FAM171A2: variants seen among roughly 807,000 people sequenced by gnomAD.
FAM171A2 encodes protein FAM171A2.
In FAM171A2, 13 loss-of-function variants were observed where a neutral mutation model predicts 34.2. The observed-to-expected ratio is 0.38, with a 90% CI of 0.25 to 0.60. The LOEUF (loss-of-function observed/expected upper bound fraction) is 0.60. Ranked by LOEUF, FAM171A2 falls within the 20% of genes least tolerant of loss-of-function variation. FAM171A2 has a pLI of 0.62. For synonymous variants in FAM171A2, 475 were observed against 561.2 expected (o/e 0.85, Z 2.17); for missense variants, 950 against 1,180.7 (o/e 0.80, Z 2.86).
intron 2 of FAM171A2, 85 bp downstream of exon 2, chr17:44,359,820 C>G: frequency 7.0e-7 from 1 of 1,432,710 alleles, no homozygotes; most frequent in South Asian, 1.4e-5. Flanking sequence ...AAAGCCTCCC[C>G]CTCCACCCCC....
intron 3 of FAM171A2, 93 bp downstream of exon 3, chr17:44,359,486 C>T (rs2048438958): frequency 9.0e-7 from 1 of 1,105,184 alleles, no homozygotes. Context: ...AGTGACTTGC[C>T]CAAGGACACC....
At position 44,353,760 on chromosome 17, in the gene FAM171A2, C is replaced by T. The variant is rs746169248; in HGVS notation, c.2454G>A (p.Arg818=). 4 of 1,431,688 alleles carry T rather than the reference C, an allele frequency of 2.8e-6. No homozygotes were observed. The East Asian group carries it at 9.7e-5, about 35-fold the overall frequency. The allele number at this position is 1,431,688 out of a possible 1,614,324, so 88.7% of individuals were successfully genotyped here. A position where few individuals can be genotyped will look rare whatever the true frequency, so the allele number is the denominator to read the frequency against. The change falls in exon 8 of 8, where the codon CGG becomes CGA. Residue 818 remains arginine (R), a synonymous_variant. Transcript: ENST00000293443. ...KKSPWQRREE[R]PLMVFNVK is the part of the protein sequence containing the mutation. ...ACTTGACGTTGAACACCATCAGCGG[C>T]CGCTCCTCCCGCCGCTGCCACGGGC...
rs1394024594 is a variant in FAM171A2, at chr17:44,354,030, C to T, written c.2184G>A (p.Glu728=). 1 of 1,174,944 alleles carries T rather than the reference C, an allele frequency of 8.5e-7. No homozygotes were observed. The highest frequency in any genetic ancestry group is 1.1e-6 in the Non-Finnish European group (1 of 952,016). The allele number at this position is 1,174,944 out of a possible 1,614,324, so 72.8% of individuals were successfully genotyped here. The change falls in exon 8 of 8, where the codon GAG becomes GAA. Residue 728 remains glutamate (E), a synonymous_variant. Transcript: ENST00000293443. This position sits in a 1 kb window ranked among gnomAD's most constrained non-coding sequence, Gnocchi z 5.8. ...PPAPPRLALS[E]DTEPSSSESR... is the part of the protein sequence containing the mutation. ...TCTCGCTGCTGCTGGGCTCCGTGTC[C>T]TCGCTGAGCGCCAGGCGCGGGGGCG...
rs1278012445 is a variant in FAM171A2, at chr17:44,354,777, C to T, written c.1437G>A (p.Pro479=). ...AFLHEPPSPP[P]PFDHYLGHKG... is the part of the protein sequence containing the mutation. The stretch of plus-strand genomic sequence containing the variant: ...TGTGGCCCAGGTAGTGGTCGAAGGG[C>T]GGCGGCGGCGAGGGCGGCTCGTGCA... The change falls in exon 8 of 8, where the codon CCG becomes CCA. Residue 479 remains proline, a synonymous_variant. Transcript: ENST00000293443. The surrounding 1 kb of genome is among the most constrained non-coding windows in gnomAD (Gnocchi z 5.8). 1.5e-6 allele frequency: 2 copies of T among 1,297,340 alleles called. No individual in the cohort carries two copies. The highest frequency in any genetic ancestry group is 2.0e-6 in the Non-Finnish European group (2 of 1,022,504). 80.4% of individuals were successfully genotyped at this position (1,297,340 alleles called of 1,614,324 possible).
rs1009582281 is a variant in FAM171A2 at position 44,360,049 on chromosome 17, T to C, written c.202A>G (p.Thr68Ala). The change falls in exon 2 of 8, where the codon ACT becomes GCT. Residue 68 changes from threonine to alanine, a missense_variant. Transcript: ENST00000293443. ...TCTGTGGTGCCAGCTGCCAGCAGAG[T>C]CCGGTTCCCAAACACATCCACTGAG... Reference protein sequence around the residue: ...RASVDVFGNRTLLAAGTTDSE... With the variant: ...RASVDVFGNRALLAAGTTDSE... 7.7e-6 allele frequency: 12 copies of C among 1,551,372 alleles called. No homozygotes were observed. Among genetic ancestry groups the C allele is most frequent in the Non-Finnish European group, 1.0e-5 (12 of 1,146,918 alleles).
rs1030736063 is a variant in FAM171A2, at chr17:44,355,173, C to T, written c.1041G>A (p.Pro347=). The part of the protein sequence containing the change: ...IYYCRRRCLK[P]RQQHRKLQLS... ...GCTGCAGCTTGCGGTGCTGTTGCCT[C>T]GGCTTCAGGCAGCGCCTCCTGGAAG... Residue 347 remains proline (P), a synonymous_variant, in exon 8 of 8, where the codon CCG becomes CCA. Transcript: ENST00000293443. This position sits in a 1 kb window ranked among gnomAD's most constrained non-coding sequence, Gnocchi z 4.1. 6 of 1,550,670 alleles carry T rather than the reference C, an allele frequency of 3.9e-6. No individual in the cohort carries two copies. The highest frequency in any genetic ancestry group is 5.2e-6 in the Non-Finnish European group (6 of 1,146,826).
rs2048414721 is a variant in FAM171A2 at position 44,354,965 on chromosome 17, G to A, written c.1249C>T (p.Arg417Cys). The change falls in exon 8 of 8, where the codon CGC (arginine) becomes TGC (cysteine). Residue 417 changes from arginine to cysteine, a missense_variant. Arg to Cys is a radical substitution (Grantham distance 180). Transcript: ENST00000293443. This position sits in a 1 kb window ranked among gnomAD's most constrained non-coding sequence, Gnocchi z 5.8. ...CGGCTGGCAGAGCGCGGCTTGGTGC[G>A]GAAGAAGTCATCCCGGGAGGAGGCC... ...DLASSRDDFF[R>C]TKPRSASRPA... 2 of 1,469,080 alleles carry A rather than the reference G, an allele frequency of 1.4e-6. No homozygotes were observed. Among genetic ancestry groups the A allele is most frequent in the Non-Finnish European group, 9.0e-7 (1 of 1,112,786 alleles). The allele number at this position is 1,469,080 out of a possible 1,614,324, so 91.0% of individuals were successfully genotyped here. A position where few individuals can be genotyped will look rare whatever the true frequency, so the allele number is the denominator to read the frequency against.
rs372213421 is a variant in FAM171A2, at chr17:44,355,765, G to A, written c.972C>T (p.Ala324=). The A allele has an allele frequency of 1.3e-6, 2 of 1,551,920 alleles. No homozygotes were observed. Among genetic ancestry groups the A allele is most frequent in the African/African-American group, 1.4e-5 (1 of 73,176 alleles). ...GCAGGATAAGCACCAGCAGGGCCAG[G>A]GCTGCCAGGATGGTGAGCAAGAAGA... The part of the protein sequence containing the change: ...HTIFLLTILA[A]LALLVLILLC... Residue 324 remains alanine, a synonymous_variant, in exon 7 of 8, where the codon GCC becomes GCT. Coordinates refer to ENST00000293443, the MANE Select transcript of FAM171A2 (RefSeq NM_198475.3). This position sits in a 1 kb window ranked among gnomAD's most constrained non-coding sequence, Gnocchi z 4.1.
Position 44,362,089 on chromosome 17 carries a change from C to G in FAM171A2, c.118+1508G>C, listed in dbSNP as rs547004135. Among the ~76,000 whole-genome samples the G allele has an allele frequency of 1.1e-4, 17 of 150,682 alleles. 1 individual carries two copies. The East Asian group carries it at 3.3e-3, about 30-fold the overall frequency. ...TGGGCTGGTAAGGATCTGTGCCAAC[C>G]TTGCGGGTGGGGGAGAAGGGAGGGG... On this transcript the variant is annotated intron_variant, in intron 1 of 7. Transcript: ENST00000293443.
In FAM171A2 at chr17:44,354,481, T is replaced by C; in HGVS notation, c.1733A>G (p.Gln578Arg). The C allele has an allele frequency of 9.3e-7, 1 of 1,078,062 alleles. No individual in the cohort carries two copies. Among genetic ancestry groups the C allele is most frequent in the Non-Finnish European group, 1.1e-6 (1 of 890,200 alleles). The allele number at this position is 1,078,062 out of a possible 1,614,324, so 66.8% of individuals were successfully genotyped here. Reference protein sequence around the residue: ...TAPGPARAFPQPDPQRPQMPG... With the variant: ...TAPGPARAFPRPDPQRPQMPG... ...CATCTGCGGGCGCTGGGGGTCGGGCTGGGGAAAAGCGCGCGCCGGGCCGGG... is the reference window on the plus strand; with the variant it reads ...CATCTGCGGGCGCTGGGGGTCGGGCCGGGGAAAAGCGCGCGCCGGGCCGGG... Residue 578 changes from glutamine (Q) to arginine (R), a missense_variant, in exon 8 of 8, where the codon CAG (glutamine) becomes CGG (arginine). Coordinates refer to ENST00000293443, the MANE Select transcript of FAM171A2 (RefSeq NM_198475.3). This position sits in a 1 kb window ranked among gnomAD's most constrained non-coding sequence, Gnocchi z 5.8.
Position 44,353,686 on chromosome 17 carries a change from G to A in FAM171A2, c.*47C>T. 8.1e-7 allele frequency: 1 copy of A among 1,229,722 alleles called. No individual in the cohort carries two copies. The highest frequency in any genetic ancestry group is 1.0e-6 in the Non-Finnish European group (1 of 987,556). 76.2% of individuals were successfully genotyped at this position (1,229,722 alleles called of 1,614,324 possible). ...CGCGGGCCCCCGGGGCGCGCACCCT[G>A]GGTGCGGGCCCGCGCGGGAGGGGCG... is the stretch of plus-strand genomic sequence containing the variant. On this transcript the variant is annotated 3_prime_UTR_variant, in exon 8 of 8. Coordinates refer to ENST00000293443, the MANE Select transcript of FAM171A2 (RefSeq NM_198475.3).
rs1319224665 is a variant in FAM171A2 at position 44,356,417 on chromosome 17, G to A, written c.598+13C>T. 6.5e-7 allele frequency: 1 copy of A among 1,550,092 alleles called. No homozygotes were observed. On this transcript the variant is annotated intron_variant, in intron 4 of 7. Coordinates refer to ENST00000293443, the MANE Select transcript of FAM171A2 (RefSeq NM_198475.3). ...CCTGGGGAGACCCCATCCGTGCTGGGCACCCAGCCTACCTGAGCTGGAGGC... is the reference window on the plus strand; with the variant it reads ...CCTGGGGAGACCCCATCCGTGCTGGACACCCAGCCTACCTGAGCTGGAGGC...
chr17:44,356,684 G>T (rs1472340993), intron 3 of FAM171A2, 96 bp from the exon 4 acceptor site: 2 of 1,366,508 alleles, frequency 1.5e-6, no homozygotes, highest in Non-Finnish European at 1.9e-6. Context: ...GGGGACATGA[G>T]GTCAGGCCAC....
In FAM171A2 at chr17:44,355,218, G is replaced by A. The variant is rs142930508; in HGVS notation, c.1023-27C>T. On this transcript the variant is annotated intron_variant, in intron 7 of 7. Coordinates refer to ENST00000293443, the MANE Select transcript of FAM171A2 (RefSeq NM_198475.3). The surrounding 1 kb of genome is among the most constrained non-coding windows in gnomAD (Gnocchi z 4.1). ...TGGAAGGGAGGGAGCAGAAGGGGCC[G>A]CTCAGGAAAGGGTGAGGGCCAAAGT... The A allele has an allele frequency of 6.3e-4, 974 of 1,548,146 alleles. 8 individuals carry two copies. In the African/African-American group the frequency reaches 0.012, roughly 19 times the overall value.
In FAM171A2 at chr17:44,353,658, C is replaced by G; in HGVS notation, c.*75G>C. ...GGGGCTGGGAGCTACGCGCGAGGGC[C>G]CCCGCGGGCCCCCGGGGCGCGCACC... On this transcript the variant is annotated 3_prime_UTR_variant, in exon 8 of 8. Coordinates refer to ENST00000293443, the MANE Select transcript of FAM171A2 (RefSeq NM_198475.3). 8.9e-7 allele frequency: 1 copy of G among 1,120,550 alleles called. No individual in the cohort carries two copies. The highest frequency in any genetic ancestry group is 1.1e-6 in the Non-Finnish European group (1 of 899,420). The allele number at this position is 1,120,550 out of a possible 1,614,324, so 69.4% of individuals were successfully genotyped here. A position where few individuals can be genotyped will look rare whatever the true frequency, so the allele number is the denominator to read the frequency against.
chr17:44,356,376 G>C, intron 4 of FAM171A2, 24 bp from the exon 5 acceptor site: 2 of 1,546,478 alleles, frequency 1.3e-6, no homozygotes, highest in Non-Finnish European at 1.7e-6. Flanking sequence ...GTACAGGGCT[G>C]AGGGCTGATC....
chr17:44,359,689 G>A lies in FAM171A2; in HGVS notation c.347-18C>T, dbSNP rs371367102. 3.1e-5 allele frequency: 48 copies of A among 1,547,220 alleles called. No individual in the cohort carries two copies. Among genetic ancestry groups the A allele is most frequent in the Non-Finnish European group, 3.9e-5 (45 of 1,145,084 alleles). The stretch of plus-strand genomic sequence containing the variant: ...CGCATACACTGCGGGAGGGATGGCC[G>A]GTCAGCTCCAGGAAAACCCACCCCC... On this transcript the variant is annotated intron_variant, in intron 2 of 7. Coordinates refer to ENST00000293443, the MANE Select transcript of FAM171A2 (RefSeq NM_198475.3).
In FAM171A2 at chr17:44,357,370, C is replaced by T. The variant is rs1008897523; in HGVS notation, c.440-782G>A. ...CTCAAAAGAAAAAAAAAAAAAAGGC[C>T]GAGCGCGGTGGCTCACGCCTGTAAT... On this transcript the variant is annotated intron_variant, in intron 3 of 7. Transcript: ENST00000293443. Among the ~76,000 whole-genome samples, 11 of 148,816 alleles carry T rather than the reference C, an allele frequency of 7.4e-5. No homozygotes were observed. In the South Asian group the frequency reaches 1.3e-3, roughly 17 times the overall value.
In FAM171A2 at chr17:44,353,705, A is replaced by C; in HGVS notation, c.*28T>G. On this transcript the variant is annotated 3_prime_UTR_variant, in exon 8 of 8. Transcript: ENST00000293443. ...CACCCTGGGTGCGGGCCCGCGCGGG[A>C]GGGGCGGTGCCAGGCCCTGCGCGGG... is the stretch of plus-strand genomic sequence containing the variant. The C allele has an allele frequency of 7.8e-7, 1 of 1,287,750 alleles. No homozygotes were observed. The highest frequency in any genetic ancestry group is 2.1e-5 in the South Asian group (1 of 46,682). The allele number at this position is 1,287,750 out of a possible 1,614,324, so 79.8% of individuals were successfully genotyped here. A position where few individuals can be genotyped will look rare whatever the true frequency, so the allele number is the denominator to read the frequency against.
Sources: allele counts gnomAD v4.1 joint callset (sites outside exome capture counted in the v4.1 genomes callset), GRCh38; gene constraint gnomAD v4.1.1; non-coding constraint Gnocchi (gnomAD v3.1); transcripts MANE v1.5; gene names NCBI Gene and HGNC (gene_info 2026-07-23, HGNC 2026-07-21).